Variants in MTUS2 observed in about 807,000 individuals in gnomAD.
The protein encoded by MTUS2 is microtubule-associated tumor suppressor candidate 2.
MTUS2 carries 40 observed loss-of-function variants against 114.1 expected under a neutral mutation model. That is an observed-to-expected ratio of 0.35 (90% CI 0.27 to 0.46). The LOEUF (loss-of-function observed/expected upper bound fraction) is 0.46, where lower values mean the gene tolerates loss of function less well. Among genes scored for constraint, MTUS2 ranks in the 20% least tolerant of loss-of-function variants. The pLI, the probability that MTUS2 is intolerant of heterozygous loss-of-function variation, is 1.00. For missense variants in MTUS2, 1,679 were observed against 1,705.4 expected (o/e 0.98, Z 0.27); for synonymous variants, 688 against 672.0 (o/e 1.02, Z -0.37).
intron 2 of MTUS2, among the ~76,000 whole-genome samples, chr13:28,861,438 TC>T (rs370537383): frequency 1.2e-5 from 1 of 86,096 alleles, no homozygotes; most frequent in African/African-American, 3.9e-5. Context: ...TCTGTTTTTT[TC>T]TTTTTTTTTT....
At chr13:29,403,074 G>A (rs1874470838) in intron 8 of MTUS2, among the ~76,000 whole-genome samples, 2 of 152,206 alleles carry the variant, frequency 1.3e-5, no homozygotes, top group South Asian at 4.1e-4. Context: ...AAGGAGGGGA[G>A]TTAGATGCAT....
chr13:29,327,546 T>C (rs1225569464), intron 7 of MTUS2, among the ~76,000 whole-genome samples: 1 of 152,262 alleles, frequency 6.6e-6, no homozygotes, highest in East Asian at 1.9e-4. Flanking sequence ...TTTAGATTCA[T>C]CCATCTGGTA....
At chr13:29,423,236 A>G (rs537319032) in intron 8 of MTUS2, among the ~76,000 whole-genome samples, 3 of 152,192 alleles carry the variant, frequency 2.0e-5, no homozygotes, top group Non-Finnish European at 4.4e-5. Flanking sequence ...TTATTCAGTG[A>G]TTTCTTCAAA....
intron 5 of MTUS2, among the ~76,000 whole-genome samples, chr13:29,110,070 A>T (rs937212905): frequency 2.0e-5 from 3 of 152,254 alleles, no homozygotes; most frequent in African/African-American, 7.2e-5. Context: ...AAGGAAAATC[A>T]TGATTTCTTT....
chr13:29,155,071 C>T (rs1345803211), intron 5 of MTUS2, among the ~76,000 whole-genome samples: 2 of 152,136 alleles, frequency 1.3e-5, no homozygotes, highest in Non-Finnish European at 2.9e-5. Context: ...TAGTTTTTAA[C>T]GTTCAAGTTT....
intron 8 of MTUS2, among the ~76,000 whole-genome samples, chr13:29,383,731 C>T (rs1046150361): frequency 1.3e-4 from 18 of 142,584 alleles, no homozygotes; most frequent in African/African-American, 4.5e-4. Context: ...TCTCTCTCTG[C>T]CAAGAGCACG....
At chr13:29,150,474 C>T (rs1046643953) in intron 5 of MTUS2, among the ~76,000 whole-genome samples, 1 of 151,950 alleles carries the variant, frequency 6.6e-6, no homozygotes, top group African/African-American at 2.4e-5. Context: ...CAAATATTTT[C>T]TCTCATTCTA....
intron 4 of MTUS2, among the ~76,000 whole-genome samples, chr13:29,076,757 T>C (rs1438180504): frequency 6.6e-6 from 1 of 152,150 alleles, no homozygotes; most frequent in Non-Finnish European, 1.5e-5. Context: ...TCCTCAGTAT[T>C]TTACTGGTCA....
intron 2 of MTUS2, among the ~76,000 whole-genome samples, chr13:28,878,218 T>TA (rs938001645): frequency 1.3e-4 from 20 of 148,214 alleles, no homozygotes; most frequent in African/African-American, 5.2e-4. Context: ...TATATATATA[T>TA]ATGTGTGTGT....
intron 4 of MTUS2, among the ~76,000 whole-genome samples, chr13:29,065,656 A>G (rs115295251): frequency 0.01 from 1,593 of 152,320 alleles, 26 homozygotes; most frequent in African/African-American, 0.037. Context: ...GTGGGATTGC[A>G]GTAATTTTTA....
At chr13:29,018,184 A>G (rs148248457) in intron 2 of MTUS2, among the ~76,000 whole-genome samples, 14 of 152,330 alleles carry the variant, frequency 9.2e-5, no homozygotes, top group Non-Finnish European at 1.9e-4. Context: ...GGGCAAATGT[A>G]CTTTAAGTAG....
chr13:29,024,050 T>C (rs1886402633), intron 2 of MTUS2, among the ~76,000 whole-genome samples: 1 of 152,248 alleles, frequency 6.6e-6, no homozygotes, highest in East Asian at 1.9e-4. Context: ...CCAATGTTTG[T>C]ACCTTTGGCA....
chr13:29,470,353 T>C (rs972215074), intron 9 of MTUS2, among the ~76,000 whole-genome samples: 9 of 152,200 alleles, frequency 5.9e-5, no homozygotes, highest in African/African-American at 2.2e-4. Context: ...ACGCCCTTCC[T>C]GAGGATTGTG....
At chr13:29,114,700 T>C (rs1231320904) in intron 5 of MTUS2, among the ~76,000 whole-genome samples, 1 of 152,230 alleles carries the variant, frequency 6.6e-6, no homozygotes, top group African/African-American at 2.4e-5. Flanking sequence ...ACTATTATCC[T>C]CTTCCTGGTT....
chr13:29,337,319 C>T (rs986160817), intron 7 of MTUS2, among the ~76,000 whole-genome samples: 2 of 152,174 alleles, frequency 1.3e-5, no homozygotes, highest in Admixed American at 1.3e-4. Context: ...TTGTGAAGAC[C>T]ATGGGAAAAG....
At chr13:29,300,863 A>G (rs1344336739) in intron 6 of MTUS2, among the ~76,000 whole-genome samples, 1 of 152,222 alleles carries the variant, frequency 6.6e-6, no homozygotes, top group Admixed American at 6.5e-5. Context: ...ACTATAAAAA[A>G]ATTAAGACTG....
chr13:29,388,285 T>C (rs1176835452), intron 8 of MTUS2, among the ~76,000 whole-genome samples: 3 of 151,940 alleles, frequency 2.0e-5, no homozygotes, highest in South Asian at 4.2e-4. Flanking sequence ...AAAGATGGAG[T>C]CGGGGAGGTT....
At chr13:28,944,613 A>T (rs1882422378) in intron 2 of MTUS2, among the ~76,000 whole-genome samples, 1 of 152,186 alleles carries the variant, frequency 6.6e-6, no homozygotes, top group Non-Finnish European at 1.5e-5. Flanking sequence ...TTGCTTATTT[A>T]TGCCACAACA....
intron 7 of MTUS2, among the ~76,000 whole-genome samples, chr13:29,346,257 G>C (rs1388457878): frequency 6.6e-6 from 1 of 152,156 alleles, no homozygotes; most frequent in Non-Finnish European, 1.5e-5. Context: ...CAGGGCCATA[G>C]AGCTCCCAAG....
Sources: allele counts gnomAD v4.1 joint callset (sites outside exome capture counted in the v4.1 genomes callset), GRCh38; gene constraint gnomAD v4.1.1; transcripts MANE v1.5; gene names NCBI Gene and HGNC (gene_info 2026-07-23, HGNC 2026-07-21).